Variants in TRIM26 observed in about 807,000 individuals in gnomAD.
The protein encoded by TRIM26 is tripartite motif-containing protein 26.
In TRIM26, 16 loss-of-function variants were observed where a neutral mutation model predicts 45.5. The ratio of observed to expected loss-of-function variants is 0.35; its 90% CI spans 0.24 to 0.53. TRIM26 has a LOEUF of 0.53. Among genes scored for constraint, TRIM26 ranks in the 20% least tolerant of loss-of-function variants. TRIM26 has a pLI of 0.92. For missense variants in TRIM26, 442 were observed against 691.1 expected (o/e 0.64, Z 4.04); for synonymous variants, 273 against 290.4 (o/e 0.94, Z 0.61).
chr6:30,208,952 AT>A (rs1455273954), intron 1 of TRIM26, among the ~76,000 whole-genome samples: 1 of 101,212 alleles, frequency 9.9e-6, no homozygotes, highest in Non-Finnish European at 2.3e-5. Context: ...GTGTGTGTGT[AT>A]TTAACTCCCC....
chr6:30,197,154 T>C (rs189429567), intron 5 of TRIM26, among the ~76,000 whole-genome samples: 1 of 152,306 alleles, frequency 6.6e-6, no homozygotes, highest in Non-Finnish European at 1.5e-5. Flanking sequence ...TGACCAGCCC[T>C]CTCTTCAGCA....
At position 30,203,172 on chromosome 6, in the gene TRIM26, T is replaced by C. The variant is rs1050134974; in HGVS notation, c.-266+1484A>G. Among the ~76,000 whole-genome samples the C allele has an allele frequency of 5.3e-5, 8 of 151,466 alleles. 1 individual carries two copies. The East Asian group carries it at 9.7e-4, about 18-fold the overall frequency. ...AATCTTCTCATCTCAGGCTCCCGAG[T>C]TGCTGCAACAACAGGTGCATACTAC... On this transcript the variant is annotated intron_variant, in intron 2 of 9. Coordinates refer to ENST00000454678, the MANE Select transcript of TRIM26 (RefSeq NM_003449.5).
intron 2 of TRIM26, among the ~76,000 whole-genome samples, chr6:30,201,741 G>A (rs1460144307): frequency 6.6e-6 from 1 of 152,086 alleles, no homozygotes; most frequent in Non-Finnish European, 1.5e-5. Flanking sequence ...CTACTCAGGA[G>A]GCTGAGGCAG....
Position 30,196,601 on chromosome 6 carries a change from C to T in TRIM26, c.680G>A (p.Arg227Gln), listed in dbSNP as rs775135483. ...CAGCCGGGCAAGCTCCCCGACGCCCCGGCTCTTGAACTTCTCCCTGCCCTC... is the reference window on the plus strand; with the variant it reads ...CAGCCGGGCAAGCTCCCCGACGCCCTGGCTCTTGAACTTCTCCCTGCCCTC... ...LTEGREKFKS[R>Q]GVGELARLAL... The change falls in exon 6 of 10, where the codon CGG becomes CAG. Residue 227 changes from arginine (R) to glutamine (Q), a missense_variant. Arg to Gln is a conservative substitution (Grantham distance 43). Coordinates refer to ENST00000454678, the MANE Select transcript of TRIM26 (RefSeq NM_003449.5). This position sits in a 1 kb window ranked among gnomAD's most constrained non-coding sequence, Gnocchi z 4.9. The T allele has an allele frequency of 1.9e-5, 30 of 1,613,576 alleles. No individual in the cohort carries two copies. Among genetic ancestry groups the T allele is most frequent in the Admixed American group, 5.0e-5 (3 of 60,012 alleles).
chr6:30,191,846 C>CA (rs2127492310), intron 6 of TRIM26, among the ~76,000 whole-genome samples: 1 of 152,352 alleles, frequency 6.6e-6, no homozygotes, highest in East Asian at 1.9e-4. Context: ...ACAAAACAGA[C>CA]AGTGTGTCCT....
rs946518248 is a variant in TRIM26 at position 30,185,946 on chromosome 6, G to A, written c.1550C>T (p.Thr517Ile). ...SQELIYTFTA[T>I]FTRRLVPFLW... ...GAAGGGGACCAGGCGCCGGGTGAAG[G>A]TGGCAGTGAAGGTGTAGATGAGTTC... Residue 517 changes from threonine to isoleucine, a missense_variant, in exon 10 of 10, where the codon ACC becomes ATC. Thr to Ile is a moderately conservative substitution (Grantham distance 89). Coordinates refer to ENST00000454678, the MANE Select transcript of TRIM26 (RefSeq NM_003449.5). The surrounding 1 kb of genome is among the most constrained non-coding windows in gnomAD (Gnocchi z 5.7). The A allele has an allele frequency of 6.2e-7, 1 of 1,612,962 alleles. No individual in the cohort carries two copies. Among genetic ancestry groups the A allele is most frequent in the African/African-American group, 1.3e-5 (1 of 74,924 alleles).
At chr6:30,197,591 TG>T (rs1033993102) in intron 5 of TRIM26, among the ~76,000 whole-genome samples, 1 of 152,200 alleles carries the variant, frequency 6.6e-6, no homozygotes, top group African/African-American at 2.4e-5. Flanking sequence ...AGTTGTCCCT[TG>T]GTATCAGTGG....
intron 3 of TRIM26, among the ~76,000 whole-genome samples, chr6:30,199,682 G>A (rs571663743): frequency 6.6e-6 from 1 of 150,508 alleles, no homozygotes; most frequent in South Asian, 2.1e-4. Context: ...TGTCGCCCAG[G>A]CTGGAGTGCA....
chr6:30,184,637 A>G lies in TRIM26; in HGVS notation c.*1239T>C, dbSNP rs1774960492. 1 of 152,714 alleles carries G rather than the reference A, an allele frequency of 6.5e-6. No individual in the cohort carries two copies. Among genetic ancestry groups the G allele is most frequent in the African/African-American group, 2.4e-5 (1 of 41,462 alleles). 9.5% of individuals were successfully genotyped at this position (152,714 alleles called of 1,614,324 possible). On this transcript the variant is annotated 3_prime_UTR_variant, in exon 10 of 10. Coordinates refer to ENST00000454678, the MANE Select transcript of TRIM26 (RefSeq NM_003449.5). ...CACACACAAAGTGGGCAGCTCTGAG[A>G]CAATGGTGGTCAAGTGACCACTGAG...
In TRIM26 at chr6:30,186,651, T is replaced by G; in HGVS notation, c.938-93A>C. 7.2e-7 allele frequency: 1 copy of G among 1,394,540 alleles called. No homozygotes were observed. The highest frequency in any genetic ancestry group is 2.5e-5 in the East Asian group (1 of 39,448). The allele number at this position is 1,394,540 out of a possible 1,614,324, so 86.4% of individuals were successfully genotyped here. ...ATAAAATTTATTTTGGCAGATAGCGTTAAACAAAATTAAAGTTGCATACAT... is the reference window on the plus strand; with the variant it reads ...ATAAAATTTATTTTGGCAGATAGCGGTAAACAAAATTAAAGTTGCATACAT... On this transcript the variant is annotated intron_variant, in intron 9 of 9. Coordinates refer to ENST00000454678, the MANE Select transcript of TRIM26 (RefSeq NM_003449.5). This position sits in a 1 kb window ranked among gnomAD's most constrained non-coding sequence, Gnocchi z 7.4.
At chr6:30,205,479 T>C (rs1419466091) in intron 1 of TRIM26, among the ~76,000 whole-genome samples, 1 of 152,158 alleles carries the variant, frequency 6.6e-6, no homozygotes, top group Non-Finnish European at 1.5e-5. Context: ...GGTGACACCA[T>C]GTAATTTCAA....
At position 30,186,619 on chromosome 6, in the gene TRIM26, A is replaced by G; in HGVS notation, c.938-61T>C. 6.8e-7 allele frequency: 1 copy of G among 1,477,682 alleles called. No homozygotes were observed. Among genetic ancestry groups the G allele is most frequent in the South Asian group, 1.5e-5 (1 of 68,446 alleles). 91.5% of individuals were successfully genotyped at this position (1,477,682 alleles called of 1,614,324 possible). A position where few individuals can be genotyped will look rare whatever the true frequency, so the allele number is the denominator to read the frequency against. Reference sequence around the variant, plus strand: ...ACTGTTTTGTTTTGTTTTTTAAGTCAGAGGGAATAAAATTTATTTTGGCAG... The same window carrying G: ...ACTGTTTTGTTTTGTTTTTTAAGTCGGAGGGAATAAAATTTATTTTGGCAG... On this transcript the variant is annotated intron_variant, in intron 9 of 9. Transcript: ENST00000454678. The surrounding 1 kb of genome is among the most constrained non-coding windows in gnomAD (Gnocchi z 7.4).
At position 30,207,529 on chromosome 6, in the gene TRIM26, G is replaced by A. The variant is rs775417864; in HGVS notation, c.-375-2764C>T. 6.6e-6 allele frequency among the ~76,000 whole-genome samples: 1 copy of A among 152,154 alleles called. No homozygotes were observed. Among genetic ancestry groups the A allele is most frequent in the Non-Finnish European group, 1.5e-5 (1 of 68,024 alleles). ...TTGATCCTCAAACACACTCGGTCAC[G>A]TGTTAAACTGCCAATCTGCCCGGGT... On this transcript the variant is annotated intron_variant, in intron 1 of 9. Transcript: ENST00000454678. The surrounding 1 kb of genome is among the most constrained non-coding windows in gnomAD (Gnocchi z 4.9).
chr6:30,212,526 A>G (rs927073477), intron 1 of TRIM26, among the ~76,000 whole-genome samples: 3 of 152,222 alleles, frequency 2.0e-5, no homozygotes, highest in Non-Finnish European at 4.4e-5. Context: ...TGTAAATCTA[A>G]AAGTGTTGTA....
chr6:30,193,462 G>A (rs952575747), intron 6 of TRIM26, among the ~76,000 whole-genome samples: 12 of 151,894 alleles, frequency 7.9e-5, no homozygotes, highest in African/African-American at 2.7e-4. Context: ...TTACAGGTGT[G>A]AGCCACCACA....
intron 1 of TRIM26, among the ~76,000 whole-genome samples, chr6:30,212,915 CA>C (rs3059548): frequency 0.27 from 34,627 of 128,966 alleles, 4,251 homozygotes; most frequent in East Asian, 0.41. Flanking sequence ...TTACTCCGAA[CA>C]AAAAAAAAAA....
chr6:30,200,988 G>C (rs764156885), intron 3 of TRIM26, 47 bp downstream of exon 3: 1 of 152,230 alleles, frequency 6.6e-6, no homozygotes, highest in African/African-American at 2.4e-5. Context: ...ACCAGCCACA[G>C]TGACACACGT....
intron 1 of TRIM26, among the ~76,000 whole-genome samples, chr6:30,211,528 C>T (rs1293522829): frequency 6.6e-6 from 1 of 152,138 alleles, no homozygotes; most frequent in Non-Finnish European, 1.5e-5. Flanking sequence ...CCTGTTACTC[C>T]CCTGCAGGAA....
rs1462594299 is a variant in TRIM26 at position 30,189,501 on chromosome 6, G to A, written c.821C>T (p.Pro274Leu). The A allele has an allele frequency of 1.9e-6, 3 of 1,612,884 alleles. No individual in the cohort carries two copies. Among genetic ancestry groups the A allele is most frequent in the Admixed American group, 1.7e-5 (1 of 60,006 alleles). The change falls in exon 8 of 10, where the codon CCC becomes CTC. Residue 274 changes from proline to leucine, a missense_variant. Coordinates refer to ENST00000454678, the MANE Select transcript of TRIM26 (RefSeq NM_003449.5). The surrounding 1 kb of genome is among the most constrained non-coding windows in gnomAD (Gnocchi z 5.0). ...CTTTTTTTTAACCACTCGAGCAATG[G>A]GTTTCCCAACCCAGAACTTCTTCCG... ...YPRKKFWVGK[P>L]IARVVKKKTG...
Sources: allele counts gnomAD v4.1 joint callset (sites outside exome capture counted in the v4.1 genomes callset), GRCh38; gene constraint gnomAD v4.1.1; non-coding constraint Gnocchi (gnomAD v3.1); transcripts MANE v1.5; gene names NCBI Gene and HGNC (gene_info 2026-07-23, HGNC 2026-07-21).